VEGFC: variants seen among roughly 807,000 people sequenced by gnomAD.
The protein encoded by VEGFC is vascular endothelial growth factor C.
Under a neutral mutation model 46.1 loss-of-function variants are expected in VEGFC, and 12 were observed. The observed-to-expected ratio is 0.26, with a 90% CI of 0.17 to 0.42. VEGFC has a LOEUF of 0.42. Among genes scored for constraint, VEGFC ranks in the 10% least tolerant of loss-of-function variants. VEGFC has a pLI of 1.00. For missense variants in VEGFC, 488 were observed against 529.4 expected (o/e 0.92, Z 0.77); for synonymous variants, 232 against 195.5 (o/e 1.19, Z -1.56).
chr4:176,722,198 A>T (rs1436532556), intron 3 of VEGFC, among the ~76,000 whole-genome samples: 1 of 152,164 alleles, frequency 6.6e-6, no homozygotes, highest in Non-Finnish European at 1.5e-5. Flanking sequence ...TTTCATGGGC[A>T]AGTCCTGATT....
intron 1 of VEGFC, among the ~76,000 whole-genome samples, 179 bp from the exon 2 acceptor site, chr4:176,729,925 T>C (rs1020037818): frequency 6.6e-6 from 1 of 152,200 alleles, no homozygotes; most frequent in Non-Finnish European, 1.5e-5. Flanking sequence ...TTAATTTGTA[T>C]GAACCAAAAC....
chr4:176,754,320 A>T (rs955585734), intron 1 of VEGFC, among the ~76,000 whole-genome samples: 1 of 151,888 alleles, frequency 6.6e-6, no homozygotes, highest in Non-Finnish European at 1.5e-5. Context: ...AAGTACTACA[A>T]GTTTAGTTGC....
chr4:176,740,673 T>C (rs1735156950), intron 1 of VEGFC, among the ~76,000 whole-genome samples: 1 of 151,092 alleles, frequency 6.6e-6, no homozygotes, highest in Non-Finnish European at 1.5e-5. Flanking sequence ...AAATAACTTA[T>C]TTTAGATTTG....
At chr4:176,744,687 G>A (rs771724157) in intron 1 of VEGFC, among the ~76,000 whole-genome samples, 8 of 151,848 alleles carry the variant, frequency 5.3e-5, no homozygotes, top group Non-Finnish European at 1.2e-4. Context: ...TGTTGACCAG[G>A]GTCTGTGCTA....
At chr4:176,732,382 G>C (rs1734982132) in intron 1 of VEGFC, among the ~76,000 whole-genome samples, 1 of 151,824 alleles carries the variant, frequency 6.6e-6, no homozygotes, top group Non-Finnish European at 1.5e-5. Context: ...AAGTTTTCTT[G>C]CATTTGTAGC....
At chr4:176,750,291 C>T (rs979185680) in intron 1 of VEGFC, among the ~76,000 whole-genome samples, 1 of 151,636 alleles carries the variant, frequency 6.6e-6, no homozygotes, top group African/African-American at 2.4e-5. Context: ...GTGGATTTAT[C>T]AAACTCACAT....
At chr4:176,781,479 A>T (rs1424081569) in intron 1 of VEGFC, among the ~76,000 whole-genome samples, 1 of 152,246 alleles carries the variant, frequency 6.6e-6, no homozygotes, top group Non-Finnish European at 1.5e-5. Context: ...ATAGTAAATT[A>T]AATCACAGTG....
intron 1 of VEGFC, among the ~76,000 whole-genome samples, chr4:176,763,072 T>G (rs1490395602): frequency 2.6e-5 from 4 of 152,190 alleles, no homozygotes; most frequent in Non-Finnish European, 5.9e-5. Flanking sequence ...AAAGCTCTCA[T>G]CCTAGTTGTG....
intron 4 of VEGFC, among the ~76,000 whole-genome samples, chr4:176,707,461 G>A (rs1411755835): frequency 3.3e-5 from 5 of 151,852 alleles, no homozygotes; most frequent in Admixed American, 2.0e-4. Flanking sequence ...ATTGAATTGT[G>A]GGCCATAATT....
intron 1 of VEGFC, among the ~76,000 whole-genome samples, chr4:176,746,309 A>G (rs1735256858): frequency 6.6e-6 from 1 of 151,978 alleles, no homozygotes; most frequent in Non-Finnish European, 1.5e-5. Flanking sequence ...CTTTATGAGA[A>G]TTCTAAACTT....
At chr4:176,701,094 C>A (rs1341148783) in intron 4 of VEGFC, among the ~76,000 whole-genome samples, 1 of 152,150 alleles carries the variant, frequency 6.6e-6, no homozygotes, top group African/African-American at 2.4e-5. Context: ...CTAATGTAAG[C>A]TATGGATTTT....
At chr4:176,705,861 T>C (rs760054947) in intron 4 of VEGFC, 22 of 152,302 alleles carry the variant, frequency 1.4e-4, no homozygotes, top group African/African-American at 5.3e-4. Context: ...ATATTCTGTA[T>C]GATGTTATAT....
chr4:176,785,370 G>GT (rs1334503983), intron 1 of VEGFC, among the ~76,000 whole-genome samples: 3 of 152,114 alleles, frequency 2.0e-5, no homozygotes, highest in Admixed American at 6.5e-5. Context: ...TTTTAAACTT[G>GT]TAAGTATTAC....
At chr4:176,717,510 G>A (rs1045555873) in intron 3 of VEGFC, among the ~76,000 whole-genome samples, 28 of 152,028 alleles carry the variant, frequency 1.8e-4, no homozygotes, top group Admixed American at 9.8e-4. Flanking sequence ...ATTCCTAATC[G>A]TACTTATCTT....
chr4:176,764,808 A>C (rs1735590093), intron 1 of VEGFC, among the ~76,000 whole-genome samples: 1 of 152,234 alleles, frequency 6.6e-6, no homozygotes, highest in Admixed American at 6.5e-5. Flanking sequence ...CATAGTCTAG[A>C]CAGTTATAAT....
At chr4:176,739,343 C>A (rs1735115719) in intron 1 of VEGFC, among the ~76,000 whole-genome samples, 1 of 151,526 alleles carries the variant, frequency 6.6e-6, no homozygotes, top group Non-Finnish European at 1.5e-5. Context: ...ATTACAAAAT[C>A]ATTGCCCATC....
intron 1 of VEGFC, among the ~76,000 whole-genome samples, chr4:176,767,123 TAAAAAAAAAAAA>T (rs70964805): frequency 7.9e-5 from 4 of 50,482 alleles, no homozygotes; most frequent in Non-Finnish European, 1.4e-4. Context: ...TGTAGAAATC[TAAAAAAAAAAAA>T]AAAAAAAAAC....
chr4:176,757,299 T>C (rs1387098407), intron 1 of VEGFC, among the ~76,000 whole-genome samples: 3 of 152,116 alleles, frequency 2.0e-5, no homozygotes, highest in Admixed American at 1.3e-4. Context: ...TACATGCCAA[T>C]TGAATGGAAT....
chr4:176,693,491 C>G lies in VEGFC; in HGVS notation c.705-5564G>C, dbSNP rs571542008. 9.3e-3 allele frequency among the ~76,000 whole-genome samples: 1,318 copies of G among 141,878 alleles called. 16 individuals are homozygous for G. The highest frequency in any genetic ancestry group is 0.014 in the Non-Finnish European group (934 of 66,932). The allele number at this position is 141,878 out of a possible 152,430, so 93.1% of individuals were successfully genotyped here. ...ATGGGACTATGTGAAAAGACCAAAT[C>G]TATGTCTGATTGGTGTACCTGAAAG... On this transcript the variant is annotated intron_variant, in intron 4 of 6. Coordinates refer to ENST00000618562, the MANE Select transcript of VEGFC (RefSeq NM_005429.5).
Sources: gnomAD v4.1 joint callset for allele counts (sites outside exome capture counted in the v4.1 genomes callset) on GRCh38, gnomAD v4.1.1 for gene constraint, MANE v1.5 for transcripts, NCBI Gene and HGNC (gene_info 2026-07-23, HGNC 2026-07-21) for gene names.